ZNF280D: variants seen among roughly 807,000 people sequenced by gnomAD.
ZNF280D encodes the protein zinc finger protein 280D.
A neutral mutation model predicts 94.7 loss-of-function variants in ZNF280D; 39 were observed. That is an observed-to-expected ratio of 0.41 (90% CI 0.32 to 0.54). ZNF280D has a LOEUF of 0.54. Ranked by LOEUF, ZNF280D falls within the 20% of genes least tolerant of loss-of-function variation. The pLI, the probability that ZNF280D is intolerant of heterozygous loss-of-function variation, is 0.22. For missense variants in ZNF280D, 1,090 were observed against 1,149.3 expected (o/e 0.95, Z 0.75); for synonymous variants, 398 against 377.6 (o/e 1.05, Z -0.63).
At chr15:56,677,909 A>G (rs1191650785) in intron 11 of ZNF280D, among the ~76,000 whole-genome samples, 2 of 152,104 alleles carry the variant, frequency 1.3e-5, no homozygotes, top group Admixed American at 6.6e-5. Context: ...GCATTATTCA[A>G]GTATTAAGTA....
chr15:56,714,629 A>G (rs1487191741), intron 1 of ZNF280D, among the ~76,000 whole-genome samples: 3 of 152,152 alleles, frequency 2.0e-5, no homozygotes, highest in African/African-American at 7.2e-5. Context: ...GAATAAAAAG[A>G]TAGAGCAATG....
At chr15:56,719,476 C>G (rs1174381824) in intron 1 of ZNF280D, among the ~76,000 whole-genome samples, 1 of 152,160 alleles carries the variant, frequency 6.6e-6, no homozygotes, top group Admixed American at 6.5e-5. Context: ...GAGGCCCTCA[C>G]CAGAAGCCAA....
chr15:56,728,081 G>C (rs1039252768), intron 1 of ZNF280D, among the ~76,000 whole-genome samples: 1 of 151,684 alleles, frequency 6.6e-6, no homozygotes, highest in Admixed American at 6.6e-5. Flanking sequence ...ACCCAGGCTG[G>C]AGTGCAGTGA....
At position 56,635,296 on chromosome 15, in the gene ZNF280D, T is replaced by C. The variant is rs1596317015; in HGVS notation, c.2260-46A>G. ...TTTCTTTTACATTCACAGTTAATCT[T>C]AAAACTATTTTTATTATACTAAACT... On this transcript the variant is annotated intron_variant, in intron 20 of 21. Transcript: ENST00000267807. 2.6e-6 allele frequency: 3 copies of C among 1,140,518 alleles called. No homozygotes were observed. The East Asian group carries it at 8.7e-5, about 33-fold the overall frequency. 70.6% of individuals were successfully genotyped at this position (1,140,518 alleles called of 1,614,324 possible). A position where few individuals can be genotyped will look rare whatever the true frequency, so the allele number is the denominator to read the frequency against.
chr15:56,715,941 T>C (rs2058020663), intron 1 of ZNF280D, among the ~76,000 whole-genome samples: 1 of 152,106 alleles, frequency 6.6e-6, no homozygotes, highest in Non-Finnish European at 1.5e-5. Flanking sequence ...AAAAAATATA[T>C]AACAACTATT....
At chr15:56,632,270 T>G in intron 21 of ZNF280D, 148 bp from the exon 22 acceptor site, 1 of 729,518 alleles carries the variant, frequency 1.4e-6, no homozygotes, top group Non-Finnish European at 2.1e-6. Context: ...ATCCTCGCTA[T>G]GGCAGTAAAA....
At chr15:56,719,768 T>C (rs1320309817) in intron 1 of ZNF280D, among the ~76,000 whole-genome samples, 1 of 151,954 alleles carries the variant, frequency 6.6e-6, no homozygotes, top group Non-Finnish European at 1.5e-5. Context: ...GTCACACGCA[T>C]TGTTTGGTTT....
intron 9 of ZNF280D, among the ~76,000 whole-genome samples, chr15:56,687,676 T>C (rs1369736479): frequency 2.0e-5 from 3 of 152,232 alleles, no homozygotes; most frequent in African/African-American, 7.2e-5. Flanking sequence ...GTTTTCTTCA[T>C]CTATAATGCA....
At position 56,642,998 on chromosome 15, in the gene ZNF280D, C is replaced by A; in HGVS notation, c.2214-1G>T. 6.7e-7 allele frequency: 1 copy of A among 1,495,208 alleles called. No individual in the cohort carries two copies. The highest frequency in any genetic ancestry group is 2.5e-5 in the Admixed American group (1 of 39,368). 92.6% of individuals were successfully genotyped at this position (1,495,208 alleles called of 1,614,324 possible). A position where few individuals can be genotyped will look rare whatever the true frequency, so the allele number is the denominator to read the frequency against. On this transcript the variant is annotated splice_acceptor_variant, in intron 19 of 21. Transcript: ENST00000267807. LOFTEE classifies it high-confidence loss of function. ...CTTTGCGGGAGCTTCTTTTTTTAATCTTGAAAACAAGATAAGTATTGAATA... is the reference window on the plus strand; with the variant it reads ...CTTTGCGGGAGCTTCTTTTTTTAATATTGAAAACAAGATAAGTATTGAATA...
intron 21 of ZNF280D, 21 bp from the exon 22 acceptor site, chr15:56,632,143 T>C (rs1285629301): frequency 2.0e-6 from 3 of 1,516,156 alleles, no homozygotes; most frequent in Middle Eastern, 2.4e-4. Flanking sequence ...AAGTCATTTA[T>C]TATGTATTTC....
intron 17 of ZNF280D, among the ~76,000 whole-genome samples, 161 bp downstream of exon 17, chr15:56,658,263 C>G (rs552495437): frequency 6.6e-6 from 1 of 152,242 alleles, no homozygotes; most frequent in South Asian, 2.1e-4. Context: ...TGTACCAAAA[C>G]TAACTGGTGA....
intron 16 of ZNF280D, among the ~76,000 whole-genome samples, chr15:56,664,341 C>A (rs575689711): frequency 6.6e-6 from 1 of 152,234 alleles, no homozygotes; most frequent in Non-Finnish European, 1.5e-5. Flanking sequence ...TTGGGACAAA[C>A]TGTCCTCTTC....
chr15:56,731,558 G>A (rs2058891859), intron 1 of ZNF280D, among the ~76,000 whole-genome samples: 1 of 151,338 alleles, frequency 6.6e-6, no homozygotes. Flanking sequence ...AGAAATGGGG[G>A]GAAATGTGAA....
At chr15:56,709,705 G>C (rs1382084115) in intron 1 of ZNF280D, among the ~76,000 whole-genome samples, 3 of 152,172 alleles carry the variant, frequency 2.0e-5, no homozygotes, top group African/African-American at 7.2e-5. Flanking sequence ...TCATGTCTTT[G>C]TAGGCACATG....
intron 9 of ZNF280D, among the ~76,000 whole-genome samples, chr15:56,683,120 A>T (rs1254781774): frequency 3.9e-5 from 6 of 152,254 alleles, no homozygotes; most frequent in South Asian, 2.1e-4. Context: ...TTTTTAACAG[A>T]AAAGTAGGAT....
At chr15:56,643,600 A>G (rs1275062594) in intron 19 of ZNF280D, among the ~76,000 whole-genome samples, 3 of 151,858 alleles carry the variant, frequency 2.0e-5, no homozygotes, top group East Asian at 1.9e-4. Flanking sequence ...ATAACTTATT[A>G]AAACATTAAC....
At chr15:56,670,405 C>T (rs1385391276) in intron 13 of ZNF280D, among the ~76,000 whole-genome samples, 1 of 151,768 alleles carries the variant, frequency 6.6e-6, no homozygotes, top group Non-Finnish European at 1.5e-5. Flanking sequence ...GTCTTGTGTT[C>T]TCATCATTTA....
chr15:56,726,118 G>C (rs2058621111), intron 1 of ZNF280D, among the ~76,000 whole-genome samples: 1 of 151,686 alleles, frequency 6.6e-6, no homozygotes, highest in Non-Finnish European at 1.5e-5. Flanking sequence ...AAAAAAAACT[G>C]GTAACAACAA....
intron 19 of ZNF280D, among the ~76,000 whole-genome samples, chr15:56,644,419 A>G (rs1171263202): frequency 6.6e-6 from 1 of 152,128 alleles, no homozygotes; most frequent in Non-Finnish European, 1.5e-5. Flanking sequence ...AACATGAAAC[A>G]TTAGTCTAAA....
Sources: allele counts gnomAD v4.1 joint callset (sites outside exome capture counted in the v4.1 genomes callset), GRCh38; gene constraint gnomAD v4.1.1; transcripts MANE v1.5; gene names NCBI Gene and HGNC (gene_info 2026-07-23, HGNC 2026-07-21).